ANO6: variants seen among roughly 807,000 people sequenced by gnomAD.
ANO6 encodes anoctamin 6, also known as anoctamin-6.
ANO6 carries 106 observed loss-of-function variants against 117.5 expected under a neutral mutation model. The observed-to-expected ratio is 0.90, with a 90% CI of 0.77 to 1.06. ANO6 has a LOEUF of 1.06. ANO6 is among the 50% of genes least tolerant of loss of function. ANO6 has a pLI of 0.00. For synonymous variants in ANO6, 367 were observed against 385.1 expected (o/e 0.95, Z 0.55); for missense variants, 955 against 1,121.1 (o/e 0.85, Z 2.12).
At chr12:45,253,206 A>G (rs1013396989) in intron 1 of ANO6, among the ~76,000 whole-genome samples, 3 of 152,232 alleles carry the variant, frequency 2.0e-5, no homozygotes, top group Admixed American at 1.3e-4. Context: ...GTTTAATTGC[A>G]TAAGTATTAC....
chr12:45,348,647 A>G lies in ANO6; in HGVS notation c.747+16A>G. ...ACTCCATGATGTAAGTTAAAAGGCA[A>G]AAATGAACTAAAAGGCCTTCTGTAT... On this transcript the variant is annotated intron_variant, in intron 6 of 19. Coordinates refer to ENST00000320560, the MANE Select transcript of ANO6 (RefSeq NM_001025356.3). 3.2e-6 allele frequency: 5 copies of G among 1,585,016 alleles called. No individual in the cohort carries two copies. Among genetic ancestry groups the G allele is most frequent in the Non-Finnish European group, 4.3e-6 (5 of 1,153,554 alleles).
chr12:45,248,368 T>C (rs778285595), intron 1 of ANO6, among the ~76,000 whole-genome samples: 9 of 151,900 alleles, frequency 5.9e-5, no homozygotes, highest in Non-Finnish European at 1.2e-4. Flanking sequence ...TGAATTTTCT[T>C]CTGTGTGCAT....
intron 1 of ANO6, among the ~76,000 whole-genome samples, chr12:45,276,507 T>C (rs1022305603): frequency 6.6e-6 from 1 of 152,180 alleles, no homozygotes; most frequent in Non-Finnish European, 1.5e-5. Flanking sequence ...GCATGCTCTT[T>C]TTTTTAGCCC....
rs72457782 is a variant in ANO6, at chr12:45,263,367, CTTTTTTTTTT to C, written c.71-38634_71-38625del. Among the ~76,000 whole-genome samples the C allele has an allele frequency of 8.8e-5, 7 of 79,178 alleles. No individual in the cohort carries two copies. In the East Asian group the frequency reaches 2.4e-3, roughly 27 times the overall value. The allele number at this position is 79,178 out of a possible 152,430, so 51.9% of individuals were successfully genotyped here. On this transcript the variant is annotated intron_variant, in intron 1 of 19. Coordinates refer to ENST00000320560, the MANE Select transcript of ANO6 (RefSeq NM_001025356.3). ...CTACAACCATCATGCCTGGCCTGGC[CTTTTTTTTTT>C]TTTTTTTTTTTTCCTGGAGAGATGG...
intron 1 of ANO6, among the ~76,000 whole-genome samples, chr12:45,229,542 A>G (rs1448348516): frequency 1.3e-5 from 2 of 151,738 alleles, no homozygotes; most frequent in East Asian, 3.9e-4. Context: ...GGCGCCTGCC[A>G]TCACGCCCAG....
intron 2 of ANO6, among the ~76,000 whole-genome samples, chr12:45,323,933 G>GTTT (rs1940370873): frequency 9.4e-6 from 1 of 106,524 alleles, no homozygotes; most frequent in Non-Finnish European, 2.0e-5. Context: ...TGTTGTTGTT[G>GTTT]TATTTTTTTT....
chr12:45,258,479 G>A (rs1317502893), intron 1 of ANO6, among the ~76,000 whole-genome samples: 1 of 151,900 alleles, frequency 6.6e-6, no homozygotes, highest in Non-Finnish European at 1.5e-5. Context: ...TTCACCTCTG[G>A]GATATGTCCA....
chr12:45,332,980 T>A (rs1186645996), intron 3 of ANO6, among the ~76,000 whole-genome samples: 2 of 151,944 alleles, frequency 1.3e-5, no homozygotes, highest in Admixed American at 6.6e-5. Flanking sequence ...CTTTTTTATG[T>A]TTGACATCTC....
chr12:45,367,602 G>T, intron 8 of ANO6, 86 bp from the exon 9 acceptor site: 1 of 1,064,582 alleles, frequency 9.4e-7, no homozygotes, highest in Non-Finnish European at 1.4e-6. Context: ...GATCGGTTTA[G>T]TTTTGTTTCT....
intron 6 of ANO6, 64 bp from the exon 7 acceptor site, chr12:45,350,595 T>G (rs1164362027): frequency 7.7e-7 from 1 of 1,290,440 alleles, no homozygotes; most frequent in Non-Finnish European, 1.1e-6. Flanking sequence ...TGTATCACAT[T>G]TAAGAAGCAG....
intron 1 of ANO6, chr12:45,228,337 A>G (rs1230652171): frequency 1.3e-5 from 3 of 227,842 alleles, no homozygotes; most frequent in African/African-American, 1.0e-4. Flanking sequence ...GATTGGTCTC[A>G]CTATGTTGCC....
Position 45,331,385 on chromosome 12 carries a change from A to T in ANO6, c.241A>T (p.Lys81Ter), listed in dbSNP as rs1019176391. The T allele has an allele frequency of 1.2e-6, 2 of 1,608,502 alleles. No homozygotes were observed. The highest frequency in any genetic ancestry group is 1.7e-6 in the Non-Finnish European group (2 of 1,177,358). ...FVLVYEDESR[K>*]ETNKKGTNEK... ...TCTAGTATATGAGGATGAAAGCAGA[A>T]AAGAGACCAATAAAAAGGGTACAAA... is the stretch of plus-strand genomic sequence containing the variant. Residue 81 changes from lysine to a stop codon, truncating the protein, a stop_gained, in exon 3 of 20, where the codon AAA (lysine) becomes TAA (stop). Coordinates refer to ENST00000320560, the MANE Select transcript of ANO6 (RefSeq NM_001025356.3). LOFTEE classifies it high-confidence loss of function.
intron 16 of ANO6, among the ~76,000 whole-genome samples, chr12:45,411,670 C>T (rs926663398): frequency 6.6e-6 from 1 of 152,194 alleles, no homozygotes; most frequent in Non-Finnish European, 1.5e-5. Context: ...AAACATCTTC[C>T]GGAAAGCAAG....
At chr12:45,346,877 A>G (rs1377793381) in intron 3 of ANO6, 145 bp from the exon 4 acceptor site, 5 of 718,462 alleles carry the variant, frequency 7.0e-6, no homozygotes, top group African/African-American at 1.8e-5. Context: ...CATTTCTTCT[A>G]TTCCATTTGC....
At chr12:45,396,878 A>G (rs1593063556) in intron 12 of ANO6, among the ~76,000 whole-genome samples, 1 of 152,386 alleles carries the variant, frequency 6.6e-6, no homozygotes, top group East Asian at 1.9e-4. Context: ...AAGCCATAAA[A>G]ACCCTAGAAG....
At chr12:45,275,362 C>T (rs1162008625) in intron 1 of ANO6, among the ~76,000 whole-genome samples, 1 of 151,906 alleles carries the variant, frequency 6.6e-6, no homozygotes, top group African/African-American at 2.4e-5. Context: ...GGCACCCGCC[C>T]CCACACCTGG....
intron 13 of ANO6, among the ~76,000 whole-genome samples, chr12:45,402,590 C>T (rs1333629787): frequency 1.3e-5 from 2 of 152,196 alleles, no homozygotes; most frequent in East Asian, 3.8e-4. Context: ...CTAAAATGAT[C>T]AAACTGATGC....
chr12:45,285,411 T>C (rs1394466464), intron 1 of ANO6, among the ~76,000 whole-genome samples: 2 of 152,192 alleles, frequency 1.3e-5, no homozygotes, highest in South Asian at 4.1e-4. Flanking sequence ...AAGCCCCTTA[T>C]AAAAGTTACA....
chr12:45,420,031 G>A (rs919820533), intron 17 of ANO6, among the ~76,000 whole-genome samples: 1 of 151,112 alleles, frequency 6.6e-6, no homozygotes, highest in Non-Finnish European at 1.5e-5. Flanking sequence ...GTTTGACTAT[G>A]AATGGGACAA....
Sources: gnomAD v4.1 joint callset for allele counts (sites outside exome capture counted in the v4.1 genomes callset) on GRCh38, gnomAD v4.1.1 for gene constraint, MANE v1.5 for transcripts, NCBI Gene and HGNC (gene_info 2026-07-23, HGNC 2026-07-21) for gene names.